The following KCNT2 variants were observed in gnomAD, a reference collection of about 807,000 sequenced individuals.
KCNT2 encodes the protein potassium sodium-activated channel subfamily T member 2, also known as potassium channel subfamily T member 2.
KCNT2 carries 67 observed loss-of-function variants against 153.8 expected under a neutral mutation model. That is an observed-to-expected ratio of 0.44 (90% CI 0.36 to 0.53). The LOEUF (loss-of-function observed/expected upper bound fraction) is 0.53. Among genes scored for constraint, KCNT2 ranks in the 20% least tolerant of loss-of-function variants. The pLI is 0.00. For missense variants in KCNT2, 975 were observed against 1,354.8 expected (o/e 0.72, Z 4.40); for synonymous variants, 500 against 458.8 (o/e 1.09, Z -1.15).
chr1:196,575,395 G>A (rs1448482701), intron 1 of KCNT2, among the ~76,000 whole-genome samples: 1 of 151,992 alleles, frequency 6.6e-6, no homozygotes, highest in Non-Finnish European at 1.5e-5. Context: ...TGAGTCATAA[G>A]TAAAATGTCC....
intron 22 of KCNT2, among the ~76,000 whole-genome samples, chr1:196,294,842 TTA>T (rs1355449595): frequency 6.6e-6 from 1 of 151,278 alleles, no homozygotes; most frequent in African/African-American, 2.4e-5. Context: ...TAAAAAAAAA[TTA>T]TGTCATTAAA....
Position 196,280,964 on chromosome 1 carries a change from A to G in KCNT2, c.2806T>C (p.Trp936Arg). The G allele has an allele frequency of 2.5e-6, 4 of 1,611,682 alleles. No individual in the cohort carries two copies. Among genetic ancestry groups the G allele is most frequent in the Non-Finnish European group, 3.4e-6 (4 of 1,177,916 alleles). Residue 936 changes from tryptophan (W) to arginine (R), a missense_variant, in exon 25 of 28, where the codon TGG becomes CGG. Trp to Arg is a moderately radical substitution (Grantham distance 101). Around this residue, in one of 6 missense-constraint regions of KCNT2, gnomAD observed 241 missense variants for 271.1 expected, o/e 0.89. Transcript: ENST00000294725. The part of the protein sequence containing the change: ...CSMKITADDL[W>R]IRTYARLYQK... ...TAAAGTCTGGCATAAGTTCTGATCC[A>G]TAAGTCATCTGCAGTGATTTTCATC... is the stretch of plus-strand genomic sequence containing the variant.
intron 12 of KCNT2, among the ~76,000 whole-genome samples, chr1:196,414,715 C>A (rs1305181905): frequency 2.0e-5 from 3 of 151,762 alleles, no homozygotes; most frequent in Non-Finnish European, 4.4e-5. Context: ...ATTGTTATAC[C>A]TTGTAAGATG....
At chr1:196,363,918 C>T (rs1015589659) in intron 14 of KCNT2, among the ~76,000 whole-genome samples, 1 of 152,050 alleles carries the variant, frequency 6.6e-6, no homozygotes, top group South Asian at 2.1e-4. Flanking sequence ...CATAGAGGCA[C>T]ATCTGTATTT....
intron 3 of KCNT2, among the ~76,000 whole-genome samples, chr1:196,486,686 A>G (rs533548326): frequency 1.9e-4 from 26 of 136,070 alleles, no homozygotes; most frequent in Non-Finnish European, 3.3e-4. Flanking sequence ...CACAAACCCA[A>G]GATGAACTCA....
intron 12 of KCNT2, among the ~76,000 whole-genome samples, chr1:196,420,886 T>C (rs1572390607): frequency 1.3e-5 from 2 of 152,080 alleles, no homozygotes; most frequent in African/African-American, 2.4e-5. Context: ...CAAACTCTTT[T>C]ACCAGGATTA....
At chr1:196,234,199 CTT>C (rs951409022) in intron 27 of KCNT2, among the ~76,000 whole-genome samples, 9 of 151,066 alleles carry the variant, frequency 6.0e-5, no homozygotes, top group Non-Finnish European at 8.9e-5. Flanking sequence ...TATCAATAAA[CTT>C]AATTAATTAG....
intron 1 of KCNT2, among the ~76,000 whole-genome samples, chr1:196,493,843 C>A (rs1308393659): frequency 6.6e-6 from 1 of 151,902 alleles, no homozygotes; most frequent in Non-Finnish European, 1.5e-5. Context: ...ATTTTTATTT[C>A]CTCGTTATCA....
At chr1:196,336,059 T>G (rs775963148) in intron 16 of KCNT2, among the ~76,000 whole-genome samples, 1 of 152,124 alleles carries the variant, frequency 6.6e-6, no homozygotes, top group Admixed American at 6.6e-5. Flanking sequence ...CTCTCCATGT[T>G]CCCCATATCT....
chr1:196,362,805 G>C (rs1283712406), intron 14 of KCNT2, among the ~76,000 whole-genome samples: 1 of 152,058 alleles, frequency 6.6e-6, no homozygotes, highest in Non-Finnish European at 1.5e-5. Flanking sequence ...ATTAGAAAAT[G>C]TTGGCAGGAA....
At chr1:196,285,931 A>G (rs149660601) in intron 22 of KCNT2, among the ~76,000 whole-genome samples, 173 bp from the exon 23 acceptor site, 1 of 152,266 alleles carries the variant, frequency 6.6e-6, no homozygotes, top group East Asian at 1.9e-4. Flanking sequence ...TCGTTTTGCT[A>G]ACCACATTTT....
At chr1:196,382,949 G>C (rs939040440) in intron 13 of KCNT2, among the ~76,000 whole-genome samples, 3 of 151,970 alleles carry the variant, frequency 2.0e-5, no homozygotes, top group Non-Finnish European at 2.9e-5. Flanking sequence ...AAGGATCAGC[G>C]TACATGGAAT....
At chr1:196,260,889 TA>T (rs1656954746) in intron 25 of KCNT2, among the ~76,000 whole-genome samples, 1 of 151,848 alleles carries the variant, frequency 6.6e-6, no homozygotes, top group Non-Finnish European at 1.5e-5. Context: ...CATTAATATA[TA>T]AAGAAAACAT....
intron 14 of KCNT2, among the ~76,000 whole-genome samples, chr1:196,356,511 C>A (rs556392717): frequency 5.9e-4 from 89 of 151,298 alleles, no homozygotes; most frequent in African/African-American, 1.9e-3. Context: ...AAATTTTGAT[C>A]AAAAAAAATT....
intron 4 of KCNT2, 73 bp downstream of exon 4, chr1:196,482,258 C>T: frequency 1.1e-6 from 1 of 904,428 alleles, no homozygotes; most frequent in Non-Finnish European, 1.7e-6. Context: ...ACATCAAAAG[C>T]TCTCCAATAG....
chr1:196,541,302 T>C (rs982717539), intron 1 of KCNT2, among the ~76,000 whole-genome samples: 3 of 152,072 alleles, frequency 2.0e-5, no homozygotes, highest in Non-Finnish European at 4.4e-5. Context: ...AATTACATTA[T>C]ATAACCCAAC....
intron 19 of KCNT2, among the ~76,000 whole-genome samples, chr1:196,325,196 G>A (rs1433591010): frequency 1.3e-5 from 2 of 152,108 alleles, no homozygotes; most frequent in Non-Finnish European, 2.9e-5. Context: ...ATTATGTGAA[G>A]AGGAGGAAAG....
chr1:196,469,818 G>A (rs889647377), intron 5 of KCNT2, among the ~76,000 whole-genome samples: 2 of 152,114 alleles, frequency 1.3e-5, no homozygotes, highest in African/African-American at 2.4e-5. Context: ...GGTGTCTGAC[G>A]ATAATGAGCA....
At chr1:196,394,632 G>A (rs1484859318) in intron 13 of KCNT2, among the ~76,000 whole-genome samples, 1 of 151,488 alleles carries the variant, frequency 6.6e-6, no homozygotes, top group Non-Finnish European at 1.5e-5. Flanking sequence ...GGATACTGAA[G>A]AAGAGTTTTA....
Sources: gnomAD v4.1 joint callset for allele counts (sites outside exome capture counted in the v4.1 genomes callset) on GRCh38, gnomAD v4.1.1 for gene constraint, gnomAD v4.1.1 regional missense constraint, MANE v1.5 for transcripts, NCBI Gene and HGNC (gene_info 2026-07-23, HGNC 2026-07-21) for gene names.